Variants in MKLN1 observed in about 807,000 individuals in gnomAD.
The protein encoded by MKLN1 is muskelin.
A neutral mutation model predicts 99.0 loss-of-function variants in MKLN1; 18 were observed. That is an observed-to-expected ratio of 0.18 (90% CI 0.13 to 0.27). The LOEUF (loss-of-function observed/expected upper bound fraction) is 0.27. Among genes scored for constraint, MKLN1 ranks in the 10% least tolerant of loss-of-function variants. The pLI is 1.00. For synonymous variants in MKLN1, 288 were observed against 293.2 expected (o/e 0.98, Z 0.18); for missense variants, 621 against 875.9 (o/e 0.71, Z 3.67).
chr7:131,382,200 A>G (rs935141819), intron 2 of MKLN1, among the ~76,000 whole-genome samples: 7 of 152,092 alleles, frequency 4.6e-5, no homozygotes. Context: ...CCCCATATCC[A>G]TAAAATTACA....
At chr7:131,188,380 C>T (rs930331050) in intron 2 of MKLN1, among the ~76,000 whole-genome samples, 10 of 152,254 alleles carry the variant, frequency 6.6e-5, no homozygotes, top group Admixed American at 2.0e-4. Flanking sequence ...TTCTGCTGAT[C>T]TGGGCTGGGC....
chr7:131,453,147 A>T (rs1402087487), intron 12 of MKLN1, among the ~76,000 whole-genome samples: 1 of 152,206 alleles, frequency 6.6e-6, no homozygotes, highest in Non-Finnish European at 1.5e-5. Flanking sequence ...ACAAGCTTAC[A>T]AGAGTATTTT....
At chr7:131,250,422 C>G (rs776756351) in intron 3 of MKLN1, among the ~76,000 whole-genome samples, 7 of 152,192 alleles carry the variant, frequency 4.6e-5, no homozygotes, top group Non-Finnish European at 8.8e-5. Context: ...GGAAGAGGCT[C>G]CTAACACATG....
chr7:131,155,153 A>G (rs760823498), intron 2 of MKLN1, among the ~76,000 whole-genome samples: 9 of 152,334 alleles, frequency 5.9e-5, no homozygotes, highest in Non-Finnish European at 1.3e-4. Flanking sequence ...ATAACTGTAT[A>G]TTTGGCTCCT....
At chr7:131,367,727 C>G (rs1393299667) in intron 1 of MKLN1, among the ~76,000 whole-genome samples, 2 of 152,052 alleles carry the variant, frequency 1.3e-5, no homozygotes, top group East Asian at 3.8e-4. Flanking sequence ...CTTATATATT[C>G]TTTGTCTTAG....
intron 1 of MKLN1, among the ~76,000 whole-genome samples, chr7:131,142,174 G>A (rs543894443): frequency 3.2e-4 from 48 of 152,120 alleles, no homozygotes; most frequent in Non-Finnish European, 5.3e-4. Flanking sequence ...GGGAGGTCGA[G>A]GTGGGCAGAT....
intron 2 of MKLN1, among the ~76,000 whole-genome samples, chr7:131,186,192 A>AAAACAAAC (rs59214771): frequency 3.3e-5 from 5 of 151,652 alleles, no homozygotes; most frequent in African/African-American, 9.7e-5. Flanking sequence ...CTCCGTCTCA[A>AAAACAAAC]AAACAAACAA....
chr7:131,451,718 G>C (rs1277464146), intron 12 of MKLN1, among the ~76,000 whole-genome samples: 1 of 152,132 alleles, frequency 6.6e-6, no homozygotes, highest in East Asian at 1.9e-4. Context: ...TCAAAATTCA[G>C]CATATCTAAA....
chr7:131,284,751 C>T (rs1798107529), intron 3 of MKLN1, among the ~76,000 whole-genome samples: 2 of 152,164 alleles, frequency 1.3e-5, no homozygotes, highest in Admixed American at 1.3e-4. Context: ...GGGCAAGGTG[C>T]CTGTCAGCTA....
intron 2 of MKLN1, among the ~76,000 whole-genome samples, chr7:131,149,083 C>T (rs1033650107): frequency 2.6e-5 from 4 of 152,072 alleles, no homozygotes; most frequent in South Asian, 2.1e-4. Flanking sequence ...TGGTATTCAA[C>T]GCAGGTGGGG....
intron 3 of MKLN1, among the ~76,000 whole-genome samples, chr7:131,251,425 T>C (rs978606039): frequency 4.6e-5 from 7 of 152,140 alleles, no homozygotes; most frequent in Non-Finnish European, 1.0e-4. Flanking sequence ...AAAGTCCTCA[T>C]CTTATACATG....
At chr7:131,402,753 G>A (rs751624455) in intron 6 of MKLN1, among the ~76,000 whole-genome samples, 2 of 152,170 alleles carry the variant, frequency 1.3e-5, no homozygotes, top group Non-Finnish European at 2.9e-5. Flanking sequence ...TTGTCAGTGA[G>A]CAGTAATATT....
At chr7:131,171,040 A>G (rs928653216) in intron 2 of MKLN1, among the ~76,000 whole-genome samples, 6 of 152,330 alleles carry the variant, frequency 3.9e-5, no homozygotes, top group Admixed American at 2.0e-4. Context: ...CATGTCAGTG[A>G]TAAGACACAC....
intron 2 of MKLN1, among the ~76,000 whole-genome samples, chr7:131,192,372 AAATAT>A (rs1387899724): frequency 1.9e-5 from 2 of 102,838 alleles, no homozygotes; most frequent in Admixed American, 2.4e-4. Context: ...TAAATATATA[AAATAT>A]AATATATACA....
At chr7:131,464,235 A>G in intron 13 of MKLN1, 59 bp from the exon 14 acceptor site, 1 of 1,016,274 alleles carries the variant, frequency 9.8e-7, no homozygotes, top group Non-Finnish European at 1.5e-6. Context: ...TTTGCTTGCT[A>G]CAGTTGTATT....
intron 3 of MKLN1, among the ~76,000 whole-genome samples, chr7:131,258,308 T>C (rs751269264): frequency 2.6e-5 from 4 of 152,174 alleles, no homozygotes; most frequent in Admixed American, 6.5e-5. Flanking sequence ...AAAGAGTAGA[T>C]GTTTCTCTCC....
At chr7:131,352,777 A>C (rs1249468161) in intron 1 of MKLN1, among the ~76,000 whole-genome samples, 1 of 152,196 alleles carries the variant, frequency 6.6e-6, no homozygotes. Context: ...GGGTTATGTC[A>C]CCAACTTGAT....
chr7:131,476,694 A>C lies in MKLN1; in HGVS notation c.2032-1929A>C, dbSNP rs575128011. Among the ~76,000 whole-genome samples the C allele has an allele frequency of 2.0e-5, 3 of 152,308 alleles. No homozygotes were observed. In the South Asian group the frequency reaches 6.2e-4, roughly 32 times the overall value. ...TTGGCCTTTATTTTAATGCAGTGTA[A>C]GTTTGGTCTTTGTTGTTGTTGTCAT... is the stretch of plus-strand genomic sequence containing the variant. On this transcript the variant is annotated intron_variant, in intron 16 of 17. Coordinates refer to ENST00000352689, the MANE Select transcript of MKLN1 (RefSeq NM_013255.5).
At chr7:131,378,068 A>G (rs998543065) in intron 2 of MKLN1, among the ~76,000 whole-genome samples, 1 of 152,194 alleles carries the variant, frequency 6.6e-6, no homozygotes, top group Non-Finnish European at 1.5e-5. Context: ...GTTGTATGAG[A>G]GACTGCCATG....
Sources: gnomAD v4.1 joint callset for allele counts (sites outside exome capture counted in the v4.1 genomes callset) on GRCh38, gnomAD v4.1.1 for gene constraint, MANE v1.5 for transcripts, NCBI Gene and HGNC (gene_info 2026-07-23, HGNC 2026-07-21) for gene names.